Variants in RTCA observed in about 807,000 individuals in gnomAD.
RTCA encodes the protein RNA terminal phosphate cyclase domain 1.
Under a neutral mutation model 46.1 loss-of-function variants are expected in RTCA, and 37 were observed. The ratio of observed to expected loss-of-function variants is 0.80; its 90% CI spans 0.62 to 1.06. RTCA has a LOEUF of 1.06. Ranked by LOEUF, RTCA falls within the 50% of genes least tolerant of loss-of-function variation. The probability of loss-of-function intolerance (pLI) is 0.00; values close to 1 mark genes in which losing one functional copy is unlikely to be tolerated. For synonymous variants in RTCA, 164 were observed against 158.3 expected (o/e 1.04, Z -0.27); for missense variants, 435 against 455.5 (o/e 0.95, Z 0.41).
intron 4 of RTCA, among the ~76,000 whole-genome samples, chr1:100,272,718 A>G (rs1666162396): frequency 1.3e-5 from 2 of 152,192 alleles, no homozygotes; most frequent in Admixed American, 6.5e-5. Flanking sequence ...GATGGGATGT[A>G]TAATAAAAAT....
At chr1:100,288,560 T>G (rs2100816255) in intron 10 of RTCA, among the ~76,000 whole-genome samples, 1 of 151,964 alleles carries the variant, frequency 6.6e-6, no homozygotes, top group East Asian at 1.9e-4. Context: ...CCTGGCTAAT[T>G]TTTTGATGTT....
chr1:100,277,326 A>T lies in RTCA; in HGVS notation c.799+10A>T, dbSNP rs1218171716. On this transcript the variant is annotated intron_variant, in intron 8 of 10. Transcript: ENST00000370128. ...TCGCTTGGTAAACGAGGTAAGATAAATGAAGGGGGTCCATAGTTCCCAATG... is the reference window on the plus strand; with the variant it reads ...TCGCTTGGTAAACGAGGTAAGATAATTGAAGGGGGTCCATAGTTCCCAATG... The T allele has an allele frequency of 6.2e-6, 10 of 1,605,512 alleles. No individual in the cohort carries two copies. Among genetic ancestry groups the T allele is most frequent in the Non-Finnish European group, 8.5e-6 (10 of 1,176,064 alleles).
At chr1:100,266,934 G>A (rs1188103894) in intron 2 of RTCA, 1 of 389,632 alleles carries the variant, frequency 2.6e-6, no homozygotes, top group Non-Finnish European at 4.7e-6. Flanking sequence ...CAGCACGTAT[G>A]AGCTGGCAAG....
chr1:100,280,863 A>T (rs747870081), intron 8 of RTCA, among the ~76,000 whole-genome samples: 1 of 152,144 alleles, frequency 6.6e-6, no homozygotes, highest in Non-Finnish European at 1.5e-5. Flanking sequence ...TTACTTGAGC[A>T]TGGTGGCATG....
intron 2 of RTCA, chr1:100,267,280 C>A: frequency 2.3e-6 from 1 of 434,736 alleles, no homozygotes; most frequent in Non-Finnish European, 4.0e-6. Context: ...TTTAATAAAT[C>A]AGCGGTCTCA....
Position 100,266,419 on chromosome 1 carries a change from G to A in RTCA, c.44G>A (p.Gly15Glu), listed in dbSNP as rs1330310669. ...RVEVDGSIME[G>E]GGQILRVSTA... ...GAGGTCGATGGCAGCATCATGGAAG[G>A]GGTGAGTACAGAGCGAAGCGGCCGG... The change falls in exon 1 of 11, where the codon GGG becomes GAG. Residue 15 changes from glycine to glutamate, a missense_variant and splice_region_variant. Coordinates refer to ENST00000370128, the MANE Select transcript of RTCA (RefSeq NM_003729.4). The A allele has an allele frequency of 6.2e-7, 1 of 1,612,808 alleles. No homozygotes were observed. The highest frequency in any genetic ancestry group is 1.1e-5 in the South Asian group (1 of 90,900).
intron 2 of RTCA, chr1:100,267,494 T>G (rs1665849874): frequency 6.5e-7 from 1 of 1,533,014 alleles, no homozygotes; most frequent in Admixed American, 2.1e-5. Flanking sequence ...ATTTATTTCC[T>G]CACAGTTCTG....
chr1:100,277,557 C>T (rs752915362), intron 8 of RTCA, among the ~76,000 whole-genome samples: 33 of 152,262 alleles, frequency 2.2e-4, no homozygotes, highest in Non-Finnish European at 4.4e-4. Flanking sequence ...ACAACCTTCT[C>T]TTAGATTCAC....
At chr1:100,281,077 G>A (rs548061685) in intron 8 of RTCA, among the ~76,000 whole-genome samples, 1 of 152,220 alleles carries the variant, frequency 6.6e-6, no homozygotes, top group Admixed American at 6.5e-5. Flanking sequence ...AAGGAACATT[G>A]GCTGCTTGTC....
At chr1:100,277,547 ACAACCTTCTCTTAGATTC>A (rs1431159048) in intron 8 of RTCA, among the ~76,000 whole-genome samples, 2 of 152,226 alleles carry the variant, frequency 1.3e-5, no homozygotes, top group African/African-American at 4.8e-5. Context: ...AGTCATCCAT[ACAACCTTCTCTTAGATTC>A]ACTAGTTATG....
chr1:100,281,214 C>T (rs1411135951), intron 8 of RTCA: 1 of 532,000 alleles, frequency 1.9e-6, no homozygotes, highest in Non-Finnish European at 3.8e-6. Context: ...CCTGGAGAAT[C>T]TCCAAAATCC....
Position 100,275,634 on chromosome 1 carries a change from C to G in RTCA, c.651C>G (p.Cys217Trp). The change falls in exon 7 of 11, where the codon TGC becomes TGG. Residue 217 changes from cysteine to tryptophan, a missense_variant. Coordinates refer to ENST00000370128, the MANE Select transcript of RTCA (RefSeq NM_003729.4). ...ATATGGCAGCGGCAGCAGTTAGATG[C>G]ATCAGAAAGGAGATCCGGGATTTGT... ...AKDMAAAAVR[C>W]IRKEIRDLYV... The G allele has an allele frequency of 6.2e-7, 1 of 1,611,536 alleles. No individual in the cohort carries two copies.
rs767537520 is a variant in RTCA, at chr1:100,274,820, A to T, written c.474-4A>T. On this transcript the variant is annotated splice_polypyrimidine_tract_variant and splice_region_variant and intron_variant, in intron 5 of 10. Coordinates refer to ENST00000370128, the MANE Select transcript of RTCA (RefSeq NM_003729.4). ...TATGTGGGCATTTGTTATACTTTTCATAGGGGATATTACCCAAAAGGGGGT... is the reference window on the plus strand; with the variant it reads ...TATGTGGGCATTTGTTATACTTTTCTTAGGGGATATTACCCAAAAGGGGGT... 3 of 1,606,062 alleles carry T rather than the reference A, an allele frequency of 1.9e-6. No individual in the cohort carries two copies. The highest frequency in any genetic ancestry group is 1.3e-5 in the African/African-American group (1 of 74,890).
intron 5 of RTCA, among the ~76,000 whole-genome samples, chr1:100,273,927 T>A (rs1194888328): frequency 6.6e-5 from 10 of 152,208 alleles, no homozygotes; most frequent in Non-Finnish European, 1.5e-4. Context: ...TGCTTTGAAG[T>A]CTTGCCCTAA....
intron 2 of RTCA, chr1:100,266,890 T>G: frequency 2.0e-6 from 1 of 507,380 alleles, no homozygotes; most frequent in South Asian, 3.0e-5. Context: ...TTTAAAATGT[T>G]TTCTCACCTC....
At chr1:100,283,954 AAACAAGAAAAAAC>A (rs1666882291) in intron 8 of RTCA, among the ~76,000 whole-genome samples, 2 of 49,470 alleles carry the variant, frequency 4.0e-5, no homozygotes, top group Non-Finnish European at 9.6e-5. Flanking sequence ...AAAAAAGAAA[AAACAAGAAAAAAC>A]AAGAAAAACA....
At chr1:100,271,876 T>C (rs1011317728) in intron 4 of RTCA, among the ~76,000 whole-genome samples, 33 of 152,244 alleles carry the variant, frequency 2.2e-4, no homozygotes, top group Admixed American at 9.8e-4. Flanking sequence ...TGGCAACTGC[T>C]GATCTGTTTT....
rs1205623293 is a variant in RTCA at position 100,274,969 on chromosome 1, A to G, written c.615+4A>G. The G allele has an allele frequency of 6.2e-7, 1 of 1,601,280 alleles. No individual in the cohort carries two copies. Among genetic ancestry groups the G allele is most frequent in the Non-Finnish European group, 8.5e-7 (1 of 1,170,900 alleles). On this transcript the variant is annotated splice_donor_region_variant and intron_variant, in intron 6 of 10. Transcript: ENST00000370128. ...TGCTGGTGTTTTGCCATTTAAAGTA[A>G]GTTGTTTAGATGTTCTTAGAAATAA...
At chr1:100,285,685 A>G (rs908808722) in intron 9 of RTCA, among the ~76,000 whole-genome samples, 7 of 151,360 alleles carry the variant, frequency 4.6e-5, no homozygotes, top group African/African-American at 1.2e-4. Flanking sequence ...GAGTCTTGCT[A>G]TGTTGCCCAG....
Sources: allele counts gnomAD v4.1 joint callset (sites outside exome capture counted in the v4.1 genomes callset), GRCh38; gene constraint gnomAD v4.1.1; transcripts MANE v1.5; gene names NCBI Gene and HGNC (gene_info 2026-07-23, HGNC 2026-07-21).